The following SUSD1 variants were observed in gnomAD, a reference collection of about 807,000 sequenced individuals.
The protein encoded by SUSD1 is sushi domain-containing protein 1.
Under a neutral mutation model 86.9 loss-of-function variants are expected in SUSD1, and 65 were observed. That is an observed-to-expected ratio of 0.75 (90% CI 0.61 to 0.92). The LOEUF is 0.92. Ranked by LOEUF, SUSD1 falls within the 40% of genes least tolerant of loss-of-function variation. SUSD1 has a pLI of 0.00. For missense variants in SUSD1, 850 were observed against 929.7 expected, an observed-to-expected ratio of 0.91 and a Z score of 1.11; for synonymous variants, 346 against 350.0, an observed-to-expected ratio of 0.99 and a Z score of 0.13.
rs1196821450 is a variant in SUSD1 at position 112,078,809 on chromosome 9, C to CACTTTTT, written c.1567-86_1567-85insAAAAAGT. On this transcript the variant is annotated intron_variant, in intron 11 of 16. Transcript: ENST00000374270. ...AAACCTCCCCTTTTCCTTTTTCTTT[C>CACTTTTT]TCTTTTTTTTTTTTTTTTTTTGAGA... The CACTTTTT allele has an allele frequency of 6.9e-5, 57 of 830,146 alleles. No individual in the cohort carries two copies. In the African/African-American group the frequency reaches 1.1e-3, roughly 16 times the overall value. 51.4% of individuals were successfully genotyped at this position (830,146 alleles called of 1,614,324 possible).
At chr9:112,124,979 C>T (rs1241626508) in intron 5 of SUSD1, among the ~76,000 whole-genome samples, 2 of 152,060 alleles carry the variant, frequency 1.3e-5, no homozygotes. Context: ...ACTCTGACTA[C>T]TAAAAGACAA....
At chr9:112,174,869 G>A (rs1834201830) in intron 1 of SUSD1, among the ~76,000 whole-genome samples, 1 of 151,968 alleles carries the variant, frequency 6.6e-6, no homozygotes, top group Non-Finnish European at 1.5e-5. Context: ...GAGGTCCCTG[G>A]GGGCCCGGCC....
intron 10 of SUSD1, among the ~76,000 whole-genome samples, chr9:112,093,255 T>C (rs1286722805): frequency 6.6e-6 from 1 of 152,228 alleles, no homozygotes; most frequent in Non-Finnish European, 1.5e-5. Flanking sequence ...GGTAGGAGAC[T>C]GCCATTCCTT....
At position 112,112,826 on chromosome 9, in the gene SUSD1, G is replaced by T. The variant is rs1300730802; in HGVS notation, c.929C>A (p.Thr310Asn). Residue 310 changes from threonine to asparagine, a missense_variant, in exon 7 of 17, where the codon ACC becomes AAC. Thr to Asn is a moderately conservative substitution (Grantham distance 65). Transcript: ENST00000374270. ...KINDVSLFND[T>N]CVRWQINSRR... is the part of the protein sequence containing the mutation. ...TGAGTTTATTTGCCATCTCACACAG[G>T]TATCATTAAACAGTGATACATCATT... is the stretch of plus-strand genomic sequence containing the variant. 1 of 1,613,238 alleles carries T rather than the reference G, an allele frequency of 6.2e-7. No homozygotes were observed. The highest frequency in any genetic ancestry group is 1.1e-5 in the South Asian group (1 of 91,054).
At position 112,080,113 on chromosome 9, in the gene SUSD1, C is replaced by T. The variant is rs201785262; in HGVS notation, c.1527G>A (p.Trp509Ter). The T allele has an allele frequency of 8.7e-6, 14 of 1,613,504 alleles. No homozygotes were observed. The highest frequency in any genetic ancestry group is 4.4e-5 in the South Asian group (4 of 91,062). Residue 509 changes from tryptophan (W) to a stop codon, truncating the protein, a stop_gained, in exon 11 of 17, where the codon TGG becomes TGA. Coordinates refer to ENST00000374270, the MANE Select transcript of SUSD1 (RefSeq NM_022486.5). LOFTEE classifies it high-confidence loss of function. Reference sequence around the variant, plus strand: ...CCATATCAGCTGTCTTGATGCTTCTCCATCTCAAGCAGGTTTCATTAAATC... The same window carrying T: ...CCATATCAGCTGTCTTGATGCTTCTTCATCTCAAGCAGGTTTCATTAAATC... ...ISGFNETCLR[W>*]RSIKTADMEE...
chr9:112,120,984 A>AT (rs1831531494), intron 6 of SUSD1, among the ~76,000 whole-genome samples: 2 of 152,202 alleles, frequency 1.3e-5, no homozygotes, highest in East Asian at 3.8e-4. Context: ...TCCAGGAGGC[A>AT]GCTACCTCAC....
chr9:112,079,845 G>C (rs1022659906), intron 11 of SUSD1, among the ~76,000 whole-genome samples: 8 of 152,040 alleles, frequency 5.3e-5, no homozygotes, highest in African/African-American at 1.4e-4. Flanking sequence ...CAAGTGATCC[G>C]CCCGCCTCAG....
chr9:112,103,456 G>T (rs1830709924), intron 8 of SUSD1, among the ~76,000 whole-genome samples: 1 of 152,218 alleles, frequency 6.6e-6, no homozygotes, highest in Non-Finnish European at 1.5e-5. Flanking sequence ...TGTAAGAAAT[G>T]CATGTATGTA....
chr9:112,066,011 A>G (rs1828960783), intron 12 of SUSD1, among the ~76,000 whole-genome samples: 1 of 152,208 alleles, frequency 6.6e-6, no homozygotes, highest in African/African-American at 2.4e-5. Flanking sequence ...CGTGACAATC[A>G]TCTCTATCTT....
At chr9:112,121,091 A>G (rs1208120632) in intron 6 of SUSD1, among the ~76,000 whole-genome samples, 1 of 152,212 alleles carries the variant, frequency 6.6e-6, no homozygotes, top group Non-Finnish European at 1.5e-5. Context: ...CCAATTATTA[A>G]GACTGGACCC....
chr9:112,147,508 C>G (rs189693423), intron 3 of SUSD1, among the ~76,000 whole-genome samples: 2 of 152,026 alleles, frequency 1.3e-5, no homozygotes, highest in Non-Finnish European at 2.9e-5. Context: ...CAGTGGCTCA[C>G]GCCTGTAATC....
intron 12 of SUSD1, among the ~76,000 whole-genome samples, chr9:112,071,041 C>A (rs1297439850): frequency 2.0e-5 from 3 of 152,106 alleles, no homozygotes; most frequent in Non-Finnish European, 4.4e-5. Flanking sequence ...CTGGGGTGCA[C>A]TGGCATGATC....
intron 1 of SUSD1, among the ~76,000 whole-genome samples, chr9:112,159,009 T>TC (rs397763704): frequency 6.6e-6 from 1 of 151,110 alleles, no homozygotes; most frequent in African/African-American, 2.4e-5. Flanking sequence ...TTTTTTTTTT[T>TC]CCAAAGAAAA....
intron 12 of SUSD1, among the ~76,000 whole-genome samples, chr9:112,075,804 G>A (rs1469912022): frequency 6.6e-6 from 1 of 152,120 alleles, no homozygotes; most frequent in Non-Finnish European, 1.5e-5. Flanking sequence ...ATTGAAGCAG[G>A]GTAAGTAGAT....
At chr9:112,167,663 G>T (rs10759528) in intron 1 of SUSD1, among the ~76,000 whole-genome samples, 127,333 of 152,234 alleles carry the variant, frequency 0.84, 53,636 homozygotes, top group African/African-American at 0.94. Context: ...TCCTTGGAGA[G>T]CTCTGTGCCT....
At chr9:112,056,015 C>T (rs930127778) in intron 14 of SUSD1, among the ~76,000 whole-genome samples, 1 of 152,132 alleles carries the variant, frequency 6.6e-6, no homozygotes, top group East Asian at 1.9e-4. Flanking sequence ...AATCCCAACA[C>T]TTTGGGAGGT....
At chr9:112,161,902 C>T (rs2131835439) in intron 1 of SUSD1, among the ~76,000 whole-genome samples, 1 of 151,672 alleles carries the variant, frequency 6.6e-6, no homozygotes, top group Admixed American at 6.6e-5. Context: ...TGAAAAAGTT[C>T]TGAAGATGGA....
chr9:112,138,237 G>GTATATATATATATATATA (rs375674193), intron 5 of SUSD1, among the ~76,000 whole-genome samples: 2 of 4,146 alleles, frequency 4.8e-4, no homozygotes, highest in Non-Finnish European at 7.1e-4. Flanking sequence ...AAAAAAATGT[G>GTATATATATATATATATA]TATATATATA....
At position 112,040,849 on chromosome 9, in the gene SUSD1, C is replaced by A. The variant is rs1827705637; in HGVS notation, c.*643G>T. On this transcript the variant is annotated 3_prime_UTR_variant, in exon 17 of 17. Transcript: ENST00000374270. ...TGAATATATAGGACAATAGAAATTG[C>A]ATCAAAGCAATGCTGCCTAACAGAC... The A allele has an allele frequency of 6.6e-6, 1 of 152,448 alleles. No individual in the cohort carries two copies. Among genetic ancestry groups the A allele is most frequent in the African/African-American group, 2.4e-5 (1 of 41,460 alleles). The allele number at this position is 152,448 out of a possible 1,614,324, so 9.4% of individuals were successfully genotyped here.
Sources: gnomAD v4.1 joint callset for allele counts (sites outside exome capture counted in the v4.1 genomes callset) on GRCh38, gnomAD v4.1.1 for gene constraint, MANE v1.5 for transcripts, NCBI Gene and HGNC (gene_info 2026-07-23, HGNC 2026-07-21) for gene names.